VPS13C: variants seen among roughly 807,000 people sequenced by gnomAD.
VPS13C encodes the protein intermembrane lipid transfer protein VPS13C.
In VPS13C, 358 loss-of-function variants were observed where a neutral mutation model predicts 456.8. The observed-to-expected ratio is 0.78, with a 90% CI of 0.72 to 0.86. VPS13C has a LOEUF of 0.86. Among genes scored for constraint, VPS13C ranks in the 40% least tolerant of loss-of-function variants. The probability of loss-of-function intolerance (pLI) is 0.00; values close to 1 mark genes in which losing one functional copy is unlikely to be tolerated. For synonymous variants in VPS13C, 1,578 were observed against 1,486.7 expected, an observed-to-expected ratio of 1.06 and a Z score of -1.41; for missense variants, 4,818 against 4,385.4, an observed-to-expected ratio of 1.10 and a Z score of -2.79.
At chr15:62,034,874 T>C (rs546222426) in intron 4 of VPS13C, 83 bp downstream of exon 4, 1 of 907,302 alleles carries the variant, frequency 1.1e-6, no homozygotes, top group Non-Finnish European at 1.7e-6. Context: ...TCTTAATAAA[T>C]AAATGTATTA....
At chr15:61,884,411 C>G in intron 67 of VPS13C, 142 bp from the exon 68 acceptor site, 1 of 858,798 alleles carries the variant, frequency 1.2e-6, no homozygotes, top group East Asian at 3.0e-5. Flanking sequence ...ACGAACTATA[C>G]CTGTGTTGCA....
intron 18 of VPS13C, among the ~76,000 whole-genome samples, chr15:61,990,060 AAAGT>A (rs1271024615): frequency 6.6e-6 from 1 of 152,238 alleles, no homozygotes; most frequent in Non-Finnish European, 1.5e-5. Context: ...TACAGCAATG[AAAGT>A]TAGTAAAATA....
intron 15 of VPS13C, among the ~76,000 whole-genome samples, chr15:62,007,056 T>TA (rs1274892769): frequency 2.6e-5 from 4 of 152,116 alleles, no homozygotes; most frequent in Non-Finnish European, 5.9e-5. Flanking sequence ...AACATTATTA[T>TA]AAAAACCAGT....
intron 16 of VPS13C, 132 bp from the exon 17 acceptor site, chr15:61,991,934 T>A: frequency 2.1e-6 from 2 of 965,072 alleles, no homozygotes; most frequent in Non-Finnish European, 3.0e-6. Flanking sequence ...GTCAAGATCT[T>A]AAATGATGCT....
intron 6 of VPS13C, among the ~76,000 whole-genome samples, chr15:62,025,291 A>G (rs1346228456): frequency 1.3e-5 from 2 of 152,138 alleles, no homozygotes; most frequent in Non-Finnish European, 2.9e-5. Context: ...CAAATCCTCA[A>G]CTACAAAAAT....
chr15:62,032,786 T>C (rs78885387), intron 5 of VPS13C, among the ~76,000 whole-genome samples: 1 of 151,792 alleles, frequency 6.6e-6, no homozygotes, highest in Non-Finnish European at 1.5e-5. Flanking sequence ...TCAGCAATTG[T>C]TGATTGAGAT....
chr15:62,043,644 G>GA (rs1198573041), intron 2 of VPS13C, among the ~76,000 whole-genome samples: 4 of 152,076 alleles, frequency 2.6e-5, no homozygotes, highest in Admixed American at 1.3e-4. Flanking sequence ...TTGGAAGCCG[G>GA]AAAAAAATTA....
chr15:61,854,842 A>T (rs946209124), intron 84 of VPS13C, 29 bp downstream of exon 84: 25 of 1,576,582 alleles, frequency 1.6e-5, no homozygotes, highest in Non-Finnish European at 2.1e-5. Flanking sequence ...AGCTAAAAAA[A>T]ATTGAGGCAT....
chr15:62,005,537 T>C (rs2046802711), intron 15 of VPS13C, among the ~76,000 whole-genome samples: 1 of 151,612 alleles, frequency 6.6e-6, no homozygotes, highest in Non-Finnish European at 1.5e-5. Context: ...AATATTGTTA[T>C]GTGTGAATTT....
rs1894676436 is a variant in VPS13C at position 61,867,504 on chromosome 15, G to A, written c.10863+1155C>T. On this transcript the variant is annotated intron_variant, in intron 81 of 84. Coordinates refer to ENST00000644861, the MANE Select transcript of VPS13C (RefSeq NM_020821.3). This position sits in a 1 kb window ranked among gnomAD's most constrained non-coding sequence, Gnocchi z 5.0. ...TTTAGAGCCATTTGTGAAACAGAAAGCTATGTAATTCCATCATCAAGACTC... is the reference window on the plus strand; with the variant it reads ...TTTAGAGCCATTTGTGAAACAGAAAACTATGTAATTCCATCATCAAGACTC... 1.0e-6 allele frequency: 1 copy of A among 989,588 alleles called. No individual in the cohort carries two copies. The highest frequency in any genetic ancestry group is 1.2e-6 in the Non-Finnish European group (1 of 832,998). 61.3% of individuals were successfully genotyped at this position (989,588 alleles called of 1,614,324 possible). A position where few individuals can be genotyped will look rare whatever the true frequency, so the allele number is the denominator to read the frequency against.
chr15:62,012,416 C>T (rs759672306), intron 11 of VPS13C, among the ~76,000 whole-genome samples: 2 of 151,652 alleles, frequency 1.3e-5, no homozygotes, highest in Non-Finnish European at 2.9e-5. Flanking sequence ...ACTCTGACTC[C>T]GAAAAAATGT....
chr15:62,053,368 T>C (rs1184802060), intron 1 of VPS13C, among the ~76,000 whole-genome samples: 1 of 152,164 alleles, frequency 6.6e-6, no homozygotes, highest in Non-Finnish European at 1.5e-5. Flanking sequence ...TAAGACAATA[T>C]ATTACAGTAT....
chr15:61,893,738 T>G (rs1055892765), intron 66 of VPS13C, among the ~76,000 whole-genome samples: 5 of 151,884 alleles, frequency 3.3e-5, no homozygotes, highest in Non-Finnish European at 7.4e-5. Flanking sequence ...CCAAGATGTA[T>G]GGGGGATGGA....
At chr15:61,929,292 C>A (rs74394797) in intron 51 of VPS13C, among the ~76,000 whole-genome samples, 1 of 152,180 alleles carries the variant, frequency 6.6e-6, no homozygotes, top group African/African-American at 2.4e-5. Context: ...TTGGAACCAG[C>A]GGACTTTCCT....
At chr15:61,985,968 G>A (rs933510059) in intron 18 of VPS13C, among the ~76,000 whole-genome samples, 7 of 151,940 alleles carry the variant, frequency 4.6e-5, no homozygotes, top group African/African-American at 1.7e-4. Context: ...GACCCTAAAG[G>A]GCTATATATC....
intron 24 of VPS13C, 46 bp from the exon 25 acceptor site, chr15:61,974,463 A>T: frequency 1.3e-6 from 2 of 1,589,202 alleles, no homozygotes; most frequent in Non-Finnish European, 1.7e-6. Flanking sequence ...TCTACATTAC[A>T]AACGAGGGAA....
intron 9 of VPS13C, among the ~76,000 whole-genome samples, chr15:62,015,171 T>C (rs937013784): frequency 6.6e-6 from 1 of 152,182 alleles, no homozygotes; most frequent in African/African-American, 2.4e-5. Context: ...GGAACAATTC[T>C]CTCTCTATCC....
intron 18 of VPS13C, among the ~76,000 whole-genome samples, chr15:61,986,467 C>T (rs1396090812): frequency 6.6e-6 from 1 of 151,960 alleles, no homozygotes; most frequent in African/African-American, 2.4e-5. Context: ...AGATAAAGAA[C>T]TTGGAAATAC....
Position 61,920,270 on chromosome 15 carries a change from G to A in VPS13C, c.7274C>T (p.Thr2425Met), listed in dbSNP as rs547200034. The change falls in exon 57 of 85, where the codon ACG (threonine) becomes ATG (methionine). Residue 2425 changes from threonine (T) to methionine (M), a missense_variant. Around this residue, in one of 3 missense-constraint regions of VPS13C, gnomAD observed 4,552 missense variants for 4,130.6 expected, o/e 1.10. Coordinates refer to ENST00000644861, the MANE Select transcript of VPS13C (RefSeq NM_020821.3). ...DYSLKDRAPF[T>M]VKNAVGVPIK... ...GGGAACACCTACAGCATTTTTTACC[G>A]TAAAAGGAGCTCTGTCCTTTAAAGA... 4.5e-5 allele frequency: 73 copies of A among 1,613,006 alleles called. No homozygotes were observed. The highest frequency in any genetic ancestry group is 1.2e-4 in the Admixed American group (7 of 59,964).
Sources: gnomAD v4.1 joint callset for allele counts (sites outside exome capture counted in the v4.1 genomes callset) on GRCh38, gnomAD v4.1.1 for gene constraint, gnomAD v4.1.1 regional missense constraint, Gnocchi (gnomAD v3.1) non-coding constraint, MANE v1.5 for transcripts, NCBI Gene and HGNC (gene_info 2026-07-23, HGNC 2026-07-21) for gene names.